CNTFR: variants seen among roughly 807,000 people sequenced by gnomAD.
CNTFR encodes the protein ciliary neurotrophic factor receptor subunit alpha.
A neutral mutation model predicts 40.4 loss-of-function variants in CNTFR; 12 were observed. The observed-to-expected ratio is 0.30, with a 90% CI of 0.19 to 0.48. CNTFR has a LOEUF of 0.48. Among genes scored for constraint, CNTFR ranks in the 20% least tolerant of loss-of-function variants. The probability of loss-of-function intolerance (pLI) is 0.99; values close to 1 mark genes in which losing one functional copy is unlikely to be tolerated. For synonymous variants in CNTFR, 202 were observed against 209.6 expected (o/e 0.96, Z 0.31); for missense variants, 414 against 506.8 (o/e 0.82, Z 1.76).
At chr9:34,575,888 T>A (rs1256168335) in intron 2 of CNTFR, among the ~76,000 whole-genome samples, 2 of 152,198 alleles carry the variant, frequency 1.3e-5, no homozygotes, top group Admixed American at 1.3e-4. Flanking sequence ...AGGAGCCTCC[T>A]GGTCTGCTGG....
intron 3 of CNTFR, 36 bp from the exon 4 acceptor site, chr9:34,564,868 G>GT: frequency 1.3e-6 from 2 of 1,588,054 alleles, no homozygotes; most frequent in Non-Finnish European, 1.7e-6. Context: ...AAAGTCACAG[G>GT]TCACAGCCCG....
chr9:34,566,229 C>T (rs1826286029), intron 3 of CNTFR, among the ~76,000 whole-genome samples: 1 of 152,162 alleles, frequency 6.6e-6, no homozygotes, highest in African/African-American at 2.4e-5. Context: ...CTCTGTCGTC[C>T]TCGCTGTGCC....
Position 34,556,361 on chromosome 9 carries a change from C to T in CNTFR, c.662G>A (p.Arg221Gln), listed in dbSNP as rs766605161. 17 of 1,613,790 alleles carry T rather than the reference C, an allele frequency of 1.1e-5. No homozygotes were observed. Among genetic ancestry groups the T allele is most frequent in the South Asian group, 5.5e-5 (5 of 91,068 alleles). ...GGGGGTCTGCCACGTCACCTCCAGC[C>T]GGCGAGGGTTGCTGGGCACTGGCCG... is the stretch of plus-strand genomic sequence containing the variant. ...VARPVPSNPRRLEVTWQTPST... is the reference protein window; with the variant it reads ...VARPVPSNPRQLEVTWQTPST... The change falls in exon 7 of 10, where the codon CGG (arginine) becomes CAG (glutamine). Residue 221 changes from arginine to glutamine, a missense_variant. Physicochemically the swap from Arg to Gln is conservative, Grantham distance 43. Transcript: ENST00000378980.
Position 34,552,628 on chromosome 9 carries a change from C to A in CNTFR, c.949+46G>T. 2 of 1,587,692 alleles carry A rather than the reference C, an allele frequency of 1.3e-6. No homozygotes were observed. Among genetic ancestry groups the A allele is most frequent in the South Asian group, 1.1e-5 (1 of 88,448 alleles). The stretch of plus-strand genomic sequence containing the variant: ...ACCAGGCCACAGGTTCTACCACAGG[C>A]CTCCAGGACAGCAAAGCCAGGAGGT... On this transcript the variant is annotated intron_variant, in intron 8 of 9. Transcript: ENST00000378980. The surrounding 1 kb of genome is among the most constrained non-coding windows in gnomAD (Gnocchi z 5.1).
At chr9:34,575,868 G>A (rs1009418560) in intron 2 of CNTFR, among the ~76,000 whole-genome samples, 3 of 152,136 alleles carry the variant, frequency 2.0e-5, no homozygotes, top group Non-Finnish European at 4.4e-5. Flanking sequence ...CACCATGCAC[G>A]CTACTTCTGA....
chr9:34,575,157 C>G (rs1826890287), intron 2 of CNTFR, among the ~76,000 whole-genome samples: 1 of 152,190 alleles, frequency 6.6e-6, no homozygotes, highest in African/African-American at 2.4e-5. Context: ...TCCCTTTGGA[C>G]ACATAGGCTC....
At position 34,552,932 on chromosome 9, in the gene CNTFR, A is replaced by AT; in HGVS notation, c.769-79dup. On this transcript the variant is annotated intron_variant, in intron 7 of 9. Coordinates refer to ENST00000378980, the MANE Select transcript of CNTFR (RefSeq NM_147164.3). This position sits in a 1 kb window ranked among gnomAD's most constrained non-coding sequence, Gnocchi z 5.1. The stretch of plus-strand genomic sequence containing the variant: ...TGAGGTCCCTCCAGAGGAAGTGAGC[A>AT]TGCCTCTGAGGAGAGGAGAGTAAAG... The AT allele has an allele frequency of 6.9e-7, 1 of 1,449,578 alleles. No individual in the cohort carries two copies. The allele number at this position is 1,449,578 out of a possible 1,614,324, so 89.8% of individuals were successfully genotyped here. A position where few individuals can be genotyped will look rare whatever the true frequency, so the allele number is the denominator to read the frequency against.
rs369796098 is a variant in CNTFR at position 34,564,795 on chromosome 9, G to T, written c.123C>A (p.Asp41Glu). Residue 41 changes from aspartate to glutamate, a missense_variant, in exon 4 of 10, where the codon GAC becomes GAA. Transcript: ENST00000378980. ...TTGCTGTCCCACATGGCAGTGTCAC[G>T]TCAGAGCCCAGGCGCTCGTACTGCA... ...PHVQYERLGS[D>E]VTLPCGTANW... 1 of 1,614,016 alleles carries T rather than the reference G, an allele frequency of 6.2e-7. No homozygotes were observed. The highest frequency in any genetic ancestry group is 1.7e-5 in the Admixed American group (1 of 60,024).
At chr9:34,582,281 A>C (rs1181742996) in intron 1 of CNTFR, 1 of 16,886 alleles carries the variant, frequency 5.9e-5, no homozygotes, top group Non-Finnish European at 1.4e-4. Flanking sequence ...TATGGCAAAA[A>C]AAAAAAAAAA....
chr9:34,552,214 G>A lies in CNTFR; in HGVS notation c.1065C>T (p.Pro355=). 1 of 1,578,872 alleles carries A rather than the reference G, an allele frequency of 6.3e-7. No individual in the cohort carries two copies. The highest frequency in any genetic ancestry group is 2.3e-5 in the East Asian group (1 of 43,144). ...CAGCGGCAGCCAGGGCCAGAGTGAT[G>A]GGGACGCTGACCAAGAAGGGTGCCG... ...GPSAPFLVSV[P]ITLALAAAAA... The change falls in exon 9 of 10, where the codon CCC becomes CCT. Residue 355 remains proline, a synonymous_variant. Coordinates refer to ENST00000378980, the MANE Select transcript of CNTFR (RefSeq NM_147164.3). This position sits in a 1 kb window ranked among gnomAD's most constrained non-coding sequence, Gnocchi z 5.1.
chr9:34,559,339 TGCA>T (rs765095581), intron 4 of CNTFR, among the ~76,000 whole-genome samples: 1 of 152,246 alleles, frequency 6.6e-6, no homozygotes, highest in South Asian at 2.1e-4. Flanking sequence ...GATCTAGCTT[TGCA>T]GCAGAAGAGA....
In CNTFR at chr9:34,564,824, G is replaced by A. The variant is rs1359917886; in HGVS notation, c.94C>T (p.His32Tyr). The change falls in exon 4 of 10, where the codon CAT (histidine) becomes TAT (tyrosine). Residue 32 changes from histidine (H) to tyrosine (Y), a missense_variant. By Grantham distance (83) the His-to-Tyr change is moderately conservative (BLOSUM62 2). This residue lies in a region of CNTFR where 250 missense variants were observed against 269.5 expected (regional missense o/e 0.93). Coordinates refer to ENST00000378980, the MANE Select transcript of CNTFR (RefSeq NM_147164.3). ...AQRHSPQEAP[H>Y]VQYERLGSDV... ...GAGCCCAGGCGCTCGTACTGCACAT[G>A]GGGTGCCTCTGTGGGGGGTGGGGGC... 6 of 1,613,250 alleles carry A rather than the reference G, an allele frequency of 3.7e-6. No homozygotes were observed. Among genetic ancestry groups the A allele is most frequent in the Non-Finnish European group, 5.1e-6 (6 of 1,179,908 alleles).
At chr9:34,554,522 T>A (rs974244071) in intron 7 of CNTFR, among the ~76,000 whole-genome samples, 25 of 152,108 alleles carry the variant, frequency 1.6e-4, no homozygotes, top group African/African-American at 6.0e-4. Flanking sequence ...TGGCAGGAAC[T>A]CCCTAGTCAC....
intron 2 of CNTFR, among the ~76,000 whole-genome samples, chr9:34,580,586 G>A (rs1164354752): frequency 6.6e-6 from 1 of 152,184 alleles, no homozygotes; most frequent in African/African-American, 2.4e-5. Context: ...CCGCTCCAGT[G>A]CCTCGATGCC....
At chr9:34,570,455 G>A (rs1826546808) in intron 2 of CNTFR, among the ~76,000 whole-genome samples, 1 of 152,206 alleles carries the variant, frequency 6.6e-6, no homozygotes, top group Admixed American at 6.5e-5. Flanking sequence ...CAAAGCCAGA[G>A]AGCTAAGACA....
At chr9:34,587,982 T>C (rs1473850402) in intron 1 of CNTFR, among the ~76,000 whole-genome samples, 2 of 152,150 alleles carry the variant, frequency 1.3e-5, no homozygotes, top group African/African-American at 2.4e-5. Context: ...TCCATATGAA[T>C]GTAAGCCCCT....
chr9:34,575,729 G>A (rs528906567), intron 2 of CNTFR, among the ~76,000 whole-genome samples: 1 of 135,464 alleles, frequency 7.4e-6, no homozygotes, highest in East Asian at 2.2e-4. Context: ...AGCAGTGCAT[G>A]TGATGCATCG....
chr9:34,553,409 G>A (rs1010292298), intron 7 of CNTFR, among the ~76,000 whole-genome samples: 3 of 152,148 alleles, frequency 2.0e-5, no homozygotes, highest in Non-Finnish European at 4.4e-5. Flanking sequence ...TCTGTAAAAC[G>A]GCATTCATGA....
intron 1 of CNTFR, among the ~76,000 whole-genome samples, chr9:34,584,119 A>T (rs1441562000): frequency 6.6e-6 from 1 of 152,168 alleles, no homozygotes; most frequent in African/African-American, 2.4e-5. Flanking sequence ...CCACACTCTT[A>T]TTTTGGAACA....
Sources: allele counts gnomAD v4.1 joint callset (sites outside exome capture counted in the v4.1 genomes callset), GRCh38; gene constraint gnomAD v4.1.1; regional missense constraint gnomAD v4.1.1; non-coding constraint Gnocchi (gnomAD v3.1); transcripts MANE v1.5; gene names NCBI Gene and HGNC (gene_info 2026-07-23, HGNC 2026-07-21).